The following PHLPP1 variants were observed in gnomAD, a reference collection of about 807,000 sequenced individuals.
PHLPP1 encodes PH domain and leucine rich repeat protein phosphatase 1.
Under a neutral mutation model 117.2 loss-of-function variants are expected in PHLPP1, and 42 were observed. The observed-to-expected ratio is 0.36, with a 90% confidence interval of 0.28 to 0.46. PHLPP1 has a LOEUF of 0.46. Among genes scored for constraint, PHLPP1 ranks in the 20% least tolerant of loss-of-function variants. The pLI, the probability that PHLPP1 is intolerant of heterozygous loss-of-function variation, is 1.00. For synonymous variants in PHLPP1, 1,042 were observed against 970.7 expected (o/e 1.07, Z -1.37); for missense variants, 2,084 against 2,241.9 (o/e 0.93, Z 1.42).
intron 1 of PHLPP1, among the ~76,000 whole-genome samples, chr18:62,761,194 A>T (rs116988973): frequency 6.6e-6 from 1 of 152,136 alleles, no homozygotes; most frequent in East Asian, 1.9e-4. Context: ...ACAATGCTGC[A>T]TATGTGCAGA....
chr18:62,844,825 A>T (rs910333098), intron 3 of PHLPP1, among the ~76,000 whole-genome samples: 5 of 152,210 alleles, frequency 3.3e-5, no homozygotes, highest in African/African-American at 1.2e-4. Context: ...AAAAGGGCAT[A>T]TTGTGAGCTA....
intron 1 of PHLPP1, among the ~76,000 whole-genome samples, chr18:62,744,296 T>C (rs1043203675): frequency 7.9e-5 from 12 of 152,264 alleles, no homozygotes; most frequent in African/African-American, 2.9e-4. Flanking sequence ...CCCAGAGGCC[T>C]GCTGGGTTTG....
chr18:62,790,616 G>A (rs375146935), intron 1 of PHLPP1, among the ~76,000 whole-genome samples: 2 of 152,188 alleles, frequency 1.3e-5, no homozygotes, highest in South Asian at 2.1e-4. Context: ...GCAGCTATCA[G>A]GATTTAAAAT....
intron 3 of PHLPP1, among the ~76,000 whole-genome samples, chr18:62,846,466 G>A (rs1915185632): frequency 6.6e-6 from 1 of 151,836 alleles, no homozygotes; most frequent in African/African-American, 2.4e-5. Context: ...ATTCATTTCA[G>A]GAAGGATAGG....
chr18:62,751,929 T>C (rs1568103300), intron 1 of PHLPP1, among the ~76,000 whole-genome samples: 1 of 152,240 alleles, frequency 6.6e-6, no homozygotes, highest in Non-Finnish European at 1.5e-5. Context: ...TCTTCTGACA[T>C]CTATTTACAA....
At chr18:62,785,468 A>G (rs976823447) in intron 1 of PHLPP1, among the ~76,000 whole-genome samples, 7 of 152,170 alleles carry the variant, frequency 4.6e-5, no homozygotes, top group African/African-American at 1.7e-4. Context: ...TGCTGTGGCT[A>G]TTAGAGATGG....
chr18:62,857,184 C>G (rs540246711), intron 3 of PHLPP1, among the ~76,000 whole-genome samples: 1 of 151,974 alleles, frequency 6.6e-6, no homozygotes, highest in African/African-American at 2.4e-5. Context: ...ATTAGCAAAC[C>G]CTTGGTGGCT....
intron 3 of PHLPP1, among the ~76,000 whole-genome samples, chr18:62,841,657 T>C (rs1915053983): frequency 6.6e-6 from 1 of 152,126 alleles, no homozygotes; most frequent in Non-Finnish European, 1.5e-5. Context: ...TTCATGACCT[T>C]GACAGTTTTG....
chr18:62,752,525 A>G (rs754987227), intron 1 of PHLPP1, among the ~76,000 whole-genome samples: 1 of 152,236 alleles, frequency 6.6e-6, no homozygotes, highest in Non-Finnish European at 1.5e-5. Context: ...GAGGGGAACT[A>G]GAATGATTTT....
intron 1 of PHLPP1, among the ~76,000 whole-genome samples, chr18:62,760,537 T>G (rs1451611956): frequency 6.6e-6 from 1 of 152,226 alleles, no homozygotes; most frequent in Non-Finnish European, 1.5e-5. Context: ...GTTTCACCGT[T>G]TACCAGTTTT....
At chr18:62,748,967 T>C (rs1911760779) in intron 1 of PHLPP1, among the ~76,000 whole-genome samples, 2 of 152,192 alleles carry the variant, frequency 1.3e-5, no homozygotes, top group African/African-American at 4.8e-5. Flanking sequence ...TACCTTTAAA[T>C]ATTTAACTTC....
At position 62,791,966 on chromosome 18, in the gene PHLPP1, G is replaced by A. The variant is rs113232713; in HGVS notation, c.1577-38069G>A. Among the ~76,000 whole-genome samples, 571 of 149,042 alleles carry A rather than the reference G, an allele frequency of 3.8e-3. 3 individuals are homozygous for A. Among genetic ancestry groups the A allele is most frequent in the Middle Eastern group, 0.01 (3 of 290 alleles). On this transcript the variant is annotated intron_variant, in intron 1 of 16. Transcript: ENST00000262719. ...ATGAGTACACTTTTTTTTTTTTCCT[G>A]GAGACATTTTCTCTCTTTCTGAATA...
At chr18:62,727,777 T>G (rs1193831711) in intron 1 of PHLPP1, among the ~76,000 whole-genome samples, 1 of 152,048 alleles carries the variant, frequency 6.6e-6, no homozygotes, top group African/African-American at 2.4e-5. Flanking sequence ...GGGAAGGCTC[T>G]TTAGCCTTAC....
chr18:62,976,336 G>T (rs1911186610), intron 16 of PHLPP1, among the ~76,000 whole-genome samples: 1 of 152,154 alleles, frequency 6.6e-6, no homozygotes, highest in Admixed American at 6.5e-5. Context: ...ACAGACTGTG[G>T]TGTGTGTGTT....
At chr18:62,915,686 C>T (rs1048314196) in intron 9 of PHLPP1, among the ~76,000 whole-genome samples, 2 of 152,184 alleles carry the variant, frequency 1.3e-5, no homozygotes, top group African/African-American at 4.8e-5. Context: ...ACTAGCCATG[C>T]AGTTAGTAAC....
At position 62,814,816 on chromosome 18, in the gene PHLPP1, A is replaced by G. The variant is rs556776785; in HGVS notation, c.1577-15219A>G. Among the ~76,000 whole-genome samples, 2 of 152,320 alleles carry G rather than the reference A, an allele frequency of 1.3e-5. 1 individual carries two copies. Among genetic ancestry groups the G allele is most frequent in the African/African-American group, 4.8e-5 (2 of 41,558 alleles). ...TTGTAGTAGATTTATACAAAGTCCT[A>G]TAAATTTTGTAGGCTCTTTTAGGGA... is the stretch of plus-strand genomic sequence containing the variant. On this transcript the variant is annotated intron_variant, in intron 1 of 16. Transcript: ENST00000262719.
intron 1 of PHLPP1, among the ~76,000 whole-genome samples, chr18:62,743,970 G>A (rs752312823): frequency 4.6e-5 from 7 of 152,174 alleles, no homozygotes; most frequent in Non-Finnish European, 8.8e-5. Context: ...ATGTGGAGAG[G>A]TAAGTTGGAT....
intron 1 of PHLPP1, among the ~76,000 whole-genome samples, chr18:62,821,259 G>A (rs545960899): frequency 8.5e-5 from 13 of 152,102 alleles, no homozygotes; most frequent in African/African-American, 3.1e-4. Context: ...GTGAAACTCT[G>A]TCTTTAAAAA....
In PHLPP1 at chr18:62,900,438, T is replaced by C. The variant is rs1378429164; in HGVS notation, c.2445-2526T>C. Among the ~76,000 whole-genome samples the C allele has an allele frequency of 1.7e-4, 18 of 106,126 alleles. No individual in the cohort carries two copies. In the South Asian group the frequency reaches 1.9e-3, roughly 11 times the overall value. The allele number at this position is 106,126 out of a possible 152,430, so 69.6% of individuals were successfully genotyped here. On this transcript the variant is annotated intron_variant, in intron 6 of 16. Coordinates refer to ENST00000262719, the MANE Select transcript of PHLPP1 (RefSeq NM_194449.4). ...CTTGTTTTTTCTTTTTCTTTCTTTT[T>C]TTTTTTTTTTTTTTTTTTTTTTTGA...
Sources: gnomAD v4.1 joint callset for allele counts (sites outside exome capture counted in the v4.1 genomes callset) on GRCh38, gnomAD v4.1.1 for gene constraint, MANE v1.5 for transcripts, NCBI Gene and HGNC (gene_info 2026-07-23, HGNC 2026-07-21) for gene names.